The following ARNT2 variants were observed in gnomAD, a reference collection of about 807,000 sequenced individuals.
ARNT2 encodes the protein aryl hydrocarbon receptor nuclear translocator 2.
Under a neutral mutation model 91.7 loss-of-function variants are expected in ARNT2, and 36 were observed. The observed-to-expected ratio is 0.39, with a 90% CI of 0.30 to 0.52. The LOEUF (loss-of-function observed/expected upper bound fraction) is 0.52, where lower values mean the gene tolerates loss of function less well. ARNT2 is among the 20% of genes least tolerant of loss of function. The pLI is 0.72. For missense variants in ARNT2, 775 were observed against 939.3 expected (o/e 0.83, Z 2.29); for synonymous variants, 365 against 347.1 (o/e 1.05, Z -0.57).
intron 11 of ARNT2, chr15:80,562,865 G>A (rs756124232): frequency 4.8e-6 from 3 of 630,768 alleles, no homozygotes; most frequent in Non-Finnish European, 8.5e-6. Flanking sequence ...CTCATACCGT[G>A]GTTACAGAAT....
intron 12 of ARNT2, among the ~76,000 whole-genome samples, chr15:80,571,698 G>C (rs891523174): frequency 6.6e-6 from 1 of 152,170 alleles, no homozygotes; most frequent in African/African-American, 2.4e-5. Flanking sequence ...TGTCCCTTTG[G>C]CCCTAGGGAT....
In ARNT2 at chr15:80,580,488, C is replaced by T; in HGVS notation, c.1691C>T (p.Ser564Phe). Reference protein sequence around the residue: ...SSTGQNMSQISRQLNQSQVAW... With the variant: ...SSTGQNMSQIFRQLNQSQVAW... ...ACGGGCCAGAACATGTCCCAAATCT[C>T]CCGGCAGCTAAACCAGAGTCAGGTG... The change falls in exon 16 of 19, where the codon TCC becomes TTC. Residue 564 changes from serine to phenylalanine, a missense_variant. Transcript: ENST00000303329. 6.2e-7 allele frequency: 1 copy of T among 1,614,206 alleles called. No homozygotes were observed. Among genetic ancestry groups the T allele is most frequent in the South Asian group, 1.1e-5 (1 of 91,086 alleles).
At chr15:80,476,082 G>A (rs1042606828) in intron 5 of ARNT2, among the ~76,000 whole-genome samples, 2 of 152,184 alleles carry the variant, frequency 1.3e-5, no homozygotes, top group Non-Finnish European at 2.9e-5. Flanking sequence ...AACATTAAGT[G>A]GTTAAGAAAT....
chr15:80,483,022 T>A (rs565674226), intron 5 of ARNT2, among the ~76,000 whole-genome samples: 1 of 152,358 alleles, frequency 6.6e-6, no homozygotes, highest in East Asian at 1.9e-4. Context: ...AGTTGGGGAA[T>A]CTATGACTTT....
intron 8 of ARNT2, among the ~76,000 whole-genome samples, chr15:80,534,388 T>C (rs1472148075): frequency 6.6e-6 from 1 of 152,174 alleles, no homozygotes; most frequent in Non-Finnish European, 1.5e-5. Flanking sequence ...TTGAAAGATA[T>C]AGAAAACTTT....
chr15:80,448,100 C>T (rs530373391), intron 1 of ARNT2, among the ~76,000 whole-genome samples: 1 of 152,172 alleles, frequency 6.6e-6, no homozygotes, highest in East Asian at 1.9e-4. Context: ...CTATGTTAGG[C>T]TCATCACATA....
intron 8 of ARNT2, among the ~76,000 whole-genome samples, chr15:80,549,897 A>G (rs1898053576): frequency 6.6e-6 from 1 of 152,228 alleles, no homozygotes; most frequent in Non-Finnish European, 1.5e-5. Context: ...CATATGCACA[A>G]GGTTATTCAT....
chr15:80,585,998 T>C (rs1898889971), intron 17 of ARNT2, among the ~76,000 whole-genome samples: 2 of 152,142 alleles, frequency 1.3e-5, no homozygotes, highest in African/African-American at 4.8e-5. Context: ...CAAAGAAGGA[T>C]GGATTTAGAG....
rs368658013 is a variant in ARNT2 at position 80,591,604 on chromosome 15, G to T, written c.1955G>T (p.Arg652Leu). 4 of 1,614,154 alleles carry T rather than the reference G, an allele frequency of 2.5e-6. No homozygotes were observed. Among genetic ancestry groups the T allele is most frequent in the Non-Finnish European group, 8.5e-7 (1 of 1,180,032 alleles). ...SGQSSGQFQG[R>L]PSEVWSQWQS... ...CAAAGTAGCGGGCAGTTCCAAGGGCGGCCCTCGGAAGTCTGGTCGCAGTGG... is the reference window on the plus strand; with the variant it reads ...CAAAGTAGCGGGCAGTTCCAAGGGCTGCCCTCGGAAGTCTGGTCGCAGTGG... The change falls in exon 18 of 19, where the codon CGG becomes CTG. Residue 652 changes from arginine (R) to leucine (L), a missense_variant. Arg to Leu is a moderately radical substitution (Grantham distance 102). Coordinates refer to ENST00000303329, the MANE Select transcript of ARNT2 (RefSeq NM_014862.4). This position sits in a 1 kb window ranked among gnomAD's most constrained non-coding sequence, Gnocchi z 5.1.
chr15:80,590,955 G>C (rs1424032593), intron 17 of ARNT2, among the ~76,000 whole-genome samples: 1 of 152,242 alleles, frequency 6.6e-6, no homozygotes, highest in Non-Finnish European at 1.5e-5. Context: ...CAAAGAGCCA[G>C]GCAGGAAAAG....
chr15:80,562,914 G>A (rs1898393057), intron 11 of ARNT2, 174 bp from the exon 12 acceptor site: 6 of 715,246 alleles, frequency 8.4e-6, no homozygotes, highest in East Asian at 2.5e-5. Context: ...GAAGGTAGAC[G>A]GAGGAGTTCC....
At chr15:80,515,626 G>T (rs184007208) in intron 8 of ARNT2, among the ~76,000 whole-genome samples, 43 of 152,036 alleles carry the variant, frequency 2.8e-4, no homozygotes, top group Non-Finnish European at 6.0e-4. Context: ...GTTTCTTTTG[G>T]GGGTGACAGA....
chr15:80,427,484 T>A (rs1895949831), intron 1 of ARNT2, among the ~76,000 whole-genome samples: 1 of 152,080 alleles, frequency 6.6e-6, no homozygotes, highest in East Asian at 1.9e-4. Flanking sequence ...ACCTCAAGAC[T>A]GAAAAGAAGG....
intron 5 of ARNT2, chr15:80,487,612 T>G (rs1015802641): frequency 6.6e-6 from 1 of 152,274 alleles, no homozygotes; most frequent in Non-Finnish European, 1.5e-5. Context: ...TGGACTTAGA[T>G]AGCTGGTACT....
At chr15:80,503,558 C>G (rs1025455245) in intron 5 of ARNT2, among the ~76,000 whole-genome samples, 1 of 152,208 alleles carries the variant, frequency 6.6e-6, no homozygotes, top group Non-Finnish European at 1.5e-5. Context: ...TCAGAGCACA[C>G]TTTGGAATCT....
At chr15:80,506,725 G>A (rs961591735) in intron 5 of ARNT2, among the ~76,000 whole-genome samples, 1 of 152,198 alleles carries the variant, frequency 6.6e-6, no homozygotes, top group African/African-American at 2.4e-5. Context: ...AGGTGGTGAA[G>A]TGGAAAGTCG....
At chr15:80,563,547 A>G (rs966122698) in intron 12 of ARNT2, among the ~76,000 whole-genome samples, 2 of 152,112 alleles carry the variant, frequency 1.3e-5, no homozygotes, top group African/African-American at 2.4e-5. Context: ...ACCTCAGCCA[A>G]CTGGAGCTCT....
intron 1 of ARNT2, among the ~76,000 whole-genome samples, chr15:80,411,254 A>G (rs1895676778): frequency 6.6e-6 from 1 of 152,142 alleles, no homozygotes; most frequent in Non-Finnish European, 1.5e-5. Context: ...CAGTTATTTG[A>G]TTGATACCTG....
chr15:80,417,540 TTC>T (rs1450886905), intron 1 of ARNT2, among the ~76,000 whole-genome samples: 1 of 99,478 alleles, frequency 1.0e-5, no homozygotes, highest in Admixed American at 9.7e-5. Flanking sequence ...TCCCTCCTCC[TTC>T]TCTTCCTTCT....
Sources: gnomAD v4.1 joint callset for allele counts (sites outside exome capture counted in the v4.1 genomes callset) on GRCh38, gnomAD v4.1.1 for gene constraint, Gnocchi (gnomAD v3.1) non-coding constraint, MANE v1.5 for transcripts, NCBI Gene and HGNC (gene_info 2026-07-23, HGNC 2026-07-21) for gene names.